DOCK7: variants seen among roughly 807,000 people sequenced by gnomAD.
DOCK7 encodes the protein dedicator of cytokinesis 7.
DOCK7 carries 138 observed loss-of-function variants against 271.0 expected under a neutral mutation model. That is an observed-to-expected ratio of 0.51 (90% CI 0.44 to 0.59). The LOEUF (loss-of-function observed/expected upper bound fraction) is 0.59, where lower values mean the gene tolerates loss of function less well. DOCK7 is among the 20% of genes least tolerant of loss of function. DOCK7 has a pLI of 0.00. For synonymous variants in DOCK7, 823 were observed against 876.1 expected, an observed-to-expected ratio of 0.94 and a Z score of 1.07; for missense variants, 2,066 against 2,592.4, an observed-to-expected ratio of 0.80 and a Z score of 4.41.
intron 37 of DOCK7, among the ~76,000 whole-genome samples, chr1:62,500,363 T>C (rs1015461348): frequency 6.6e-6 from 1 of 151,450 alleles, no homozygotes; most frequent in Non-Finnish European, 1.5e-5. Context: ...CTTGGAAAAG[T>C]AAGAAAAAAA....
rs777647463 is a variant in DOCK7 at position 62,475,203 on chromosome 1, C to T, written c.6105+5G>A. The T allele has an allele frequency of 1.9e-6, 3 of 1,612,286 alleles. No homozygotes were observed. Among genetic ancestry groups the T allele is most frequent in the Admixed American group, 3.4e-5 (2 of 59,564 alleles). On this transcript the variant is annotated splice_donor_5th_base_variant and intron_variant, in intron 47 of 49. Transcript: ENST00000635253. ...AATCACACAGTGCTAGCAAAAAGCA[C>T]TAACCTGATTCACTGTGGTGCCTAC...
At chr1:62,493,832 C>G (rs1257822338) in intron 40 of DOCK7, among the ~76,000 whole-genome samples, 1 of 152,030 alleles carries the variant, frequency 6.6e-6, no homozygotes, top group Non-Finnish European at 1.5e-5. Context: ...AATTATGTAC[C>G]CTACTAGAGG....
chr1:62,470,918 T>G (rs541149788), intron 48 of DOCK7, among the ~76,000 whole-genome samples: 3 of 152,064 alleles, frequency 2.0e-5, no homozygotes, highest in African/African-American at 7.2e-5. Context: ...CCCTTCTGCC[T>G]CCCCTGCTAC....
intron 22 of DOCK7, among the ~76,000 whole-genome samples, chr1:62,546,951 C>T (rs1055017646): frequency 6.6e-6 from 1 of 151,994 alleles, no homozygotes; most frequent in Admixed American, 6.6e-5. Flanking sequence ...ACTCATGTTA[C>T]AAAAATAACA....
chr1:62,495,562 T>G lies in DOCK7; in HGVS notation c.5024+19A>C. 1 of 1,522,432 alleles carries G rather than the reference T, an allele frequency of 6.6e-7. No individual in the cohort carries two copies. Among genetic ancestry groups the G allele is most frequent in the Non-Finnish European group, 8.8e-7 (1 of 1,137,886 alleles). The allele number at this position is 1,522,432 out of a possible 1,614,324, so 94.3% of individuals were successfully genotyped here. Reference sequence around the variant, plus strand: ...CTAAGTCCCTTATACAAAGCATAAATGAATCAAATAAATGCTACCTGTACA... The same window carrying G: ...CTAAGTCCCTTATACAAAGCATAAAGGAATCAAATAAATGCTACCTGTACA... On this transcript the variant is annotated intron_variant, in intron 39 of 49. Coordinates refer to ENST00000635253, the MANE Select transcript of DOCK7 (RefSeq NM_001367561.1).
At chr1:62,585,785 C>G (rs1647426929) in intron 15 of DOCK7, among the ~76,000 whole-genome samples, 1 of 152,200 alleles carries the variant, frequency 6.6e-6, no homozygotes, top group Admixed American at 6.5e-5. Context: ...TGAATACCTA[C>G]CTATTCCTTT....
At chr1:62,472,266 G>A (rs940604350) in intron 48 of DOCK7, among the ~76,000 whole-genome samples, 7 of 151,840 alleles carry the variant, frequency 4.6e-5, no homozygotes, top group Non-Finnish European at 7.4e-5. Context: ...CACCATGCTC[G>A]GCTAATTTTT....
chr1:62,550,421 A>C (rs913347325), intron 22 of DOCK7, among the ~76,000 whole-genome samples: 3 of 152,222 alleles, frequency 2.0e-5, no homozygotes, highest in African/African-American at 7.2e-5. Context: ...AATGGGAGAT[A>C]AAATGAGAAA....
chr1:62,560,010 T>C (rs1646271157), intron 19 of DOCK7, among the ~76,000 whole-genome samples: 1 of 152,174 alleles, frequency 6.6e-6, no homozygotes, highest in Non-Finnish European at 1.5e-5. Context: ...GCAGACAACA[T>C]TTCACATATG....
rs1213621158 is a variant in DOCK7, at chr1:62,670,031, G to A, written c.39-6901C>T. ...CCGGGCAATGGGGGACTTAGCACCCGGGCCAGTGGCTGCGGAGGGTGTACT... is the reference window on the plus strand; with the variant it reads ...CCGGGCAATGGGGGACTTAGCACCCAGGCCAGTGGCTGCGGAGGGTGTACT... On this transcript the variant is annotated intron_variant, in intron 1 of 49. Transcript: ENST00000635253. 6.6e-5 allele frequency among the ~76,000 whole-genome samples: 10 copies of A among 152,356 alleles called. No individual in the cohort carries two copies. In the South Asian group the frequency reaches 1.4e-3, roughly 22 times the overall value.
intron 11 of DOCK7, among the ~76,000 whole-genome samples, chr1:62,630,679 A>G (rs962357657): frequency 2.6e-5 from 4 of 152,122 alleles, no homozygotes; most frequent in African/African-American, 9.7e-5. Flanking sequence ...CCAGGAATCA[A>G]TTTGTTTCCT....
intron 1 of DOCK7, among the ~76,000 whole-genome samples, chr1:62,669,885 G>A (rs1241102345): frequency 6.6e-6 from 1 of 152,272 alleles, no homozygotes; most frequent in Admixed American, 6.5e-5. Context: ...AGGGAGGTGT[G>A]GAGGGAGAGA....
intron 14 of DOCK7, among the ~76,000 whole-genome samples, chr1:62,600,484 A>C (rs960727746): frequency 6.6e-6 from 1 of 151,822 alleles, no homozygotes; most frequent in Admixed American, 6.6e-5. Context: ...ACTGTCAATG[A>C]GAAAAACTAT....
At chr1:62,605,578 A>G (rs1191133684) in intron 14 of DOCK7, 1 of 152,438 alleles carries the variant, frequency 6.6e-6, no homozygotes, top group East Asian at 1.9e-4. Context: ...AATAATTGTA[A>G]AGGAATCTTG....
rs773443775 is a variant in DOCK7, at chr1:62,529,359, C to G, written c.3699G>C (p.Gln1233His). 1 of 1,613,702 alleles carries G rather than the reference C, an allele frequency of 6.2e-7. No individual in the cohort carries two copies. The highest frequency in any genetic ancestry group is 1.7e-4 in the Middle Eastern group (1 of 6,060). Residue 1233 changes from glutamine to histidine, a missense_variant, in exon 30 of 50, where the codon CAG becomes CAC. Coordinates refer to ENST00000635253, the MANE Select transcript of DOCK7 (RefSeq NM_001367561.1). ...HDSDPRYSDP[Q>H]IKARVAMLYL... ...ACAACATGGCCACTCGAGCCTTTAT[C>G]TGAGGGTCAGAGTACCGCGGGTCTG...
chr1:62,477,933 A>G, intron 43 of DOCK7, 108 bp from the exon 44 acceptor site: 4 of 1,237,592 alleles, frequency 3.2e-6, no homozygotes, highest in Non-Finnish European at 4.3e-6. Context: ...ACATTGCAAA[A>G]AGTTTTAATT....
At chr1:62,584,286 T>C (rs1460425277) in intron 15 of DOCK7, 35 of 975,036 alleles carry the variant, frequency 3.6e-5, no homozygotes, top group Non-Finnish European at 4.3e-5. Flanking sequence ...ATTTCATCAA[T>C]TTACAAATAC....
chr1:62,673,171 T>C (rs975476096), intron 1 of DOCK7, among the ~76,000 whole-genome samples: 4 of 152,176 alleles, frequency 2.6e-5, no homozygotes, highest in African/African-American at 7.2e-5. Flanking sequence ...CACGTTGATA[T>C]GTGAAACAAA....
rs751271623 is a variant in DOCK7 at position 62,513,743 on chromosome 1, A to G, written c.4092T>C (p.Tyr1364=). The part of the protein sequence containing the change: ...LQLNRLLDLL[Y]LCVSCFEYKG... The stretch of plus-strand genomic sequence containing the variant: ...TATACTCAAAGCAAGACACACAGAG[A>G]TAAAGCAGATCTAATAGCCGGTTTA... The change falls in exon 32 of 50, where the codon TAT becomes TAC. Residue 1364 remains tyrosine, a synonymous_variant. Transcript: ENST00000635253. The G allele has an allele frequency of 9.9e-6, 16 of 1,614,068 alleles. No homozygotes were observed. Among genetic ancestry groups the G allele is most frequent in the Non-Finnish European group, 1.2e-5 (14 of 1,180,022 alleles).
Sources: allele counts gnomAD v4.1 joint callset (sites outside exome capture counted in the v4.1 genomes callset), GRCh38; gene constraint gnomAD v4.1.1; transcripts MANE v1.5; gene names NCBI Gene and HGNC (gene_info 2026-07-23, HGNC 2026-07-21).